Variants in TMEM132B observed in about 807,000 individuals in gnomAD.
The protein encoded by TMEM132B is transmembrane protein 132B.
A neutral mutation model predicts 90.8 loss-of-function variants in TMEM132B; 18 were observed. The observed-to-expected ratio is 0.20, with a 90% CI of 0.14 to 0.29. TMEM132B has a LOEUF of 0.29. Ranked by LOEUF, TMEM132B falls within the 10% of genes least tolerant of loss-of-function variation. The pLI, the probability that TMEM132B is intolerant of heterozygous loss-of-function variation, is 1.00. For synonymous variants in TMEM132B, 504 were observed against 523.3 expected (o/e 0.96, Z 0.50); for missense variants, 1,096 against 1,326.8 (o/e 0.83, Z 2.70).
At chr12:125,609,387 C>T (rs1885771264) in intron 5 of TMEM132B, among the ~76,000 whole-genome samples, 1 of 152,114 alleles carries the variant, frequency 6.6e-6, no homozygotes, top group Non-Finnish European at 1.5e-5. Flanking sequence ...TTTGGCTATT[C>T]TGGGTCCGCT....
At chr12:125,595,501 T>C (rs951923945) in intron 5 of TMEM132B, among the ~76,000 whole-genome samples, 5 of 152,196 alleles carry the variant, frequency 3.3e-5, no homozygotes, top group Non-Finnish European at 7.3e-5. Flanking sequence ...TGCTATGTGC[T>C]CAGCACCTAA....
At chr12:125,632,722 T>G (rs1354824760) in intron 5 of TMEM132B, among the ~76,000 whole-genome samples, 1 of 152,122 alleles carries the variant, frequency 6.6e-6, no homozygotes, top group Non-Finnish European at 1.5e-5. Context: ...CATGCCACTC[T>G]CTTCTGGCCT....
Position 125,650,800 on chromosome 12 carries a change from C to T in TMEM132B, c.1761C>T (p.Asp587=). Residue 587 remains aspartate (D), a synonymous_variant, in exon 7 of 9, where the codon GAC becomes GAT. Transcript: ENST00000682704. ...VLTQFVAESP[D]LGQLTYMLGP... The stretch of plus-strand genomic sequence containing the variant: ...CCCAGTTTGTGGCCGAGTCACCTGA[C>T]TTAGGGCAGCTGACCTACATGCTGG... 2 of 1,614,242 alleles carry T rather than the reference C, an allele frequency of 1.2e-6. No homozygotes were observed. Among genetic ancestry groups the T allele is most frequent in the Non-Finnish European group, 1.7e-6 (2 of 1,180,050 alleles).
intron 1 of TMEM132B, among the ~76,000 whole-genome samples, chr12:125,228,880 G>C (rs955128349): frequency 2.0e-5 from 3 of 152,182 alleles, no homozygotes; most frequent in Non-Finnish European, 4.4e-5. Context: ...TGAGATAGAA[G>C]AGCCTGTGTA....
At chr12:125,644,050 C>A in intron 5 of TMEM132B, 26 bp from the exon 6 acceptor site, 1 of 1,608,416 alleles carries the variant, frequency 6.2e-7, no homozygotes, top group Non-Finnish European at 8.5e-7. Context: ...ACTGATGCAT[C>A]TCAAGGTTCT....
chr12:125,226,120 T>G lies in TMEM132B; in HGVS notation c.67+39254T>G, dbSNP rs187574668. Among the ~76,000 whole-genome samples, 3 of 152,356 alleles carry G rather than the reference T, an allele frequency of 2.0e-5. No homozygotes were observed. In the East Asian group the frequency reaches 5.8e-4, roughly 29 times the overall value. On this transcript the variant is annotated intron_variant, in intron 1 of 8. Coordinates refer to ENST00000682704, the MANE Select transcript of TMEM132B (RefSeq NM_001366854.1). ...GTGGGCTAGTTTCAAGTATACCTGT[T>G]TGGTTTTCATTTAAATGCAGCAGCA...
intron 4 of TMEM132B, among the ~76,000 whole-genome samples, chr12:125,576,875 A>G (rs1220405212): frequency 6.7e-6 from 1 of 150,346 alleles, no homozygotes; most frequent in African/African-American, 2.4e-5. Context: ...GTTTGCTAGT[A>G]TTTTGCGTGT....
At chr12:125,291,730 G>A (rs148258256) in intron 1 of TMEM132B, among the ~76,000 whole-genome samples, 2 of 152,262 alleles carry the variant, frequency 1.3e-5, no homozygotes, top group South Asian at 2.1e-4. Context: ...CTGGACTTCT[G>A]ACCTATGGGA....
At chr12:125,571,985 G>T (rs1253673708) in intron 4 of TMEM132B, among the ~76,000 whole-genome samples, 2 of 152,192 alleles carry the variant, frequency 1.3e-5, no homozygotes, top group East Asian at 3.8e-4. Context: ...TGCATTTGTT[G>T]TGTCCTTTAA....
intron 7 of TMEM132B, 93 bp from the exon 8 acceptor site, chr12:125,652,348 G>T: frequency 7.9e-7 from 1 of 1,261,822 alleles, no homozygotes; most frequent in South Asian, 1.6e-5. Context: ...TTGAGCCAAG[G>T]GCTGGGAGAG....
chr12:125,432,383 A>ATGTG (rs1414637070), intron 3 of TMEM132B, among the ~76,000 whole-genome samples: 2 of 80,872 alleles, frequency 2.5e-5, no homozygotes, highest in African/African-American at 5.8e-5. Context: ...ATATATATAT[A>ATGTG]TATATATATA....
At chr12:125,266,294 C>T (rs1297173632) in intron 1 of TMEM132B, among the ~76,000 whole-genome samples, 1 of 152,136 alleles carries the variant, frequency 6.6e-6, no homozygotes, top group Non-Finnish European at 1.5e-5. Context: ...ACTAAACGGC[C>T]AGTACAACCT....
chr12:125,334,229 A>G (rs549360433), intron 1 of TMEM132B, among the ~76,000 whole-genome samples: 2 of 152,332 alleles, frequency 1.3e-5, no homozygotes, highest in African/African-American at 4.8e-5. Context: ...CATATGCAGA[A>G]TCGTCCGTTA....
chr12:125,413,553 A>G (rs1480596344), intron 2 of TMEM132B, among the ~76,000 whole-genome samples: 3 of 152,248 alleles, frequency 2.0e-5, no homozygotes, highest in Admixed American at 6.5e-5. Context: ...TTCTGTCTCT[A>G]TGGATTTACC....
At chr12:125,517,387 T>G in intron 3 of TMEM132B, among the ~76,000 whole-genome samples, 7 of 136,456 alleles carry the variant, frequency 5.1e-5, no homozygotes, top group Admixed American at 2.3e-4. Flanking sequence ...AGAGACGGGG[T>G]TTCACTATGT....
At chr12:125,552,661 C>G (rs1335148258) in intron 4 of TMEM132B, among the ~76,000 whole-genome samples, 1 of 152,226 alleles carries the variant, frequency 6.6e-6, no homozygotes, top group Non-Finnish European at 1.5e-5. Context: ...CAGAATGTCA[C>G]TGTTTGATGT....
At chr12:125,444,727 A>C (rs548941641) in intron 3 of TMEM132B, among the ~76,000 whole-genome samples, 1 of 152,306 alleles carries the variant, frequency 6.6e-6, no homozygotes, top group Admixed American at 6.5e-5. Context: ...ACACTAATCT[A>C]GGTGTTGCAA....
chr12:125,450,434 T>C (rs1881118383), intron 3 of TMEM132B, among the ~76,000 whole-genome samples: 1 of 152,128 alleles, frequency 6.6e-6, no homozygotes. Flanking sequence ...ATCTAAACTA[T>C]TGAAAATATA....
chr12:125,210,791 T>C (rs1873301890), intron 1 of TMEM132B, among the ~76,000 whole-genome samples: 1 of 151,958 alleles, frequency 6.6e-6, no homozygotes, highest in Non-Finnish European at 1.5e-5. Flanking sequence ...TAGTGGATCC[T>C]GTCTTTACAA....
Sources: gnomAD v4.1 joint callset for allele counts (sites outside exome capture counted in the v4.1 genomes callset) on GRCh38, gnomAD v4.1.1 for gene constraint, MANE v1.5 for transcripts, NCBI Gene and HGNC (gene_info 2026-07-23, HGNC 2026-07-21) for gene names.